Variants in FKBP6 observed in about 807,000 individuals in gnomAD.
FKBP6 encodes the protein inactive peptidyl-prolyl cis-trans isomerase FKBP6.
A neutral mutation model predicts 41.7 loss-of-function variants in FKBP6; 29 were observed. The observed-to-expected ratio is 0.70, with a 90% CI of 0.52 to 0.95. The LOEUF (loss-of-function observed/expected upper bound fraction) is 0.95. Among genes scored for constraint, FKBP6 ranks in the 40% least tolerant of loss-of-function variants. FKBP6 has a pLI of 0.00. For synonymous variants in FKBP6, 130 were observed against 165.1 expected (o/e 0.79, Z 1.63); for missense variants, 338 against 408.7 (o/e 0.83, Z 1.49).
At chr7:73,355,563 AC>A (rs1254065579) in intron 8 of FKBP6, among the ~76,000 whole-genome samples, 13 of 152,018 alleles carry the variant, frequency 8.6e-5, no homozygotes, top group African/African-American at 3.1e-4. Context: ...TTCATGGGAC[AC>A]ACCCTAGATC....
chr7:73,335,020 T>C (rs1407563721), intron 5 of FKBP6, among the ~76,000 whole-genome samples: 2 of 152,088 alleles, frequency 1.3e-5, no homozygotes, highest in East Asian at 1.9e-4. Context: ...AGGAAGGTCC[T>C]TGTCATATGA....
At chr7:73,328,783 G>A in intron 2 of FKBP6, 91 bp downstream of exon 2, 2 of 1,603,990 alleles carry the variant, frequency 1.2e-6, no homozygotes, top group South Asian at 2.2e-5. Flanking sequence ...ACTTAATGGG[G>A]TTGGAAATGC....
intron 7 of FKBP6, 143 bp downstream of exon 7, chr7:73,341,525 A>C (rs1805188967): frequency 4.3e-6 from 3 of 700,656 alleles, no homozygotes; most frequent in Admixed American, 4.0e-5. Context: ...GGGTTTCTGA[A>C]GTGCTCGGCC....
chr7:73,340,596 A>T, intron 5 of FKBP6, 42 bp from the exon 6 acceptor site: 1 of 1,544,146 alleles, frequency 6.5e-7, no homozygotes. Context: ...TTTGTACATA[A>T]GACTGTTACT....
At chr7:73,339,016 C>CT (rs1261153833) in intron 5 of FKBP6, 3 of 152,280 alleles carry the variant, frequency 2.0e-5, no homozygotes, top group African/African-American at 7.2e-5. Flanking sequence ...GGTGTTATAT[C>CT]TAAGAAACCA....
chr7:73,351,596 G>A (rs978102716), intron 8 of FKBP6, among the ~76,000 whole-genome samples: 5 of 152,056 alleles, frequency 3.3e-5, no homozygotes, highest in African/African-American at 9.7e-5. Flanking sequence ...CCTCAACTTC[G>A]GTGGCTGCCT....
At chr7:73,343,405 A>AACAT (rs1554549899) in intron 8 of FKBP6, among the ~76,000 whole-genome samples, 3 of 152,042 alleles carry the variant, frequency 2.0e-5, no homozygotes, top group African/African-American at 7.3e-5. Context: ...GACTGAGTAG[A>AACAT]GTCATGAATG....
chr7:73,354,658 A>C (rs539162944), intron 8 of FKBP6, among the ~76,000 whole-genome samples: 3 of 152,296 alleles, frequency 2.0e-5, no homozygotes, highest in African/African-American at 4.8e-5. Context: ...GAACCAGTTG[A>C]ATGGTTTCAG....
At position 73,341,270 on chromosome 7, in the gene FKBP6, C is replaced by T. The variant is rs1462761122; in HGVS notation, c.784-3C>T. ...TGCTTTTAAAGTTCTCTCCTTGGGA[C>T]AGGCTTGTCTTCTCCTGACTGAGTA... On this transcript the variant is annotated splice_polypyrimidine_tract_variant and splice_region_variant and intron_variant, in intron 6 of 8. Coordinates refer to ENST00000252037, the MANE Select transcript of FKBP6 (RefSeq NM_003602.5). 7 of 1,595,500 alleles carry T rather than the reference C, an allele frequency of 4.4e-6. No individual in the cohort carries two copies. Among genetic ancestry groups the T allele is most frequent in the Non-Finnish European group, 4.3e-6 (5 of 1,163,122 alleles).
In FKBP6 at chr7:73,328,207, C is replaced by G; in HGVS notation, c.-222C>G. ...TTACGGATCATACCTCGCACCTCACCGCGTGGCCTCTGTAGTTCCAGAGCT... is the reference window on the plus strand; with the variant it reads ...TTACGGATCATACCTCGCACCTCACGGCGTGGCCTCTGTAGTTCCAGAGCT... On this transcript the variant is annotated 5_prime_UTR_variant, in exon 1 of 9. Transcript: ENST00000252037. 6.5e-7 allele frequency: 1 copy of G among 1,548,874 alleles called. No individual in the cohort carries two copies.
At chr7:73,348,516 C>T (rs575582995) in intron 8 of FKBP6, among the ~76,000 whole-genome samples, 1 of 152,324 alleles carries the variant, frequency 6.6e-6, no homozygotes, top group Non-Finnish European at 1.5e-5. Context: ...TGACACCAGA[C>T]ATGTAGGGAT....
At chr7:73,328,516 C>A (rs1804710736) in intron 1 of FKBP6, 31 bp downstream of exon 1, 4 of 1,556,218 alleles carry the variant, frequency 2.6e-6, no homozygotes, top group South Asian at 1.1e-5. Context: ...GGGGCGTAGA[C>A]GCTGAGGGGT....
chr7:73,352,944 A>G (rs1554551335), intron 8 of FKBP6, among the ~76,000 whole-genome samples: 1 of 152,190 alleles, frequency 6.6e-6, no homozygotes, highest in African/African-American at 2.4e-5. Flanking sequence ...TATCATGGCC[A>G]TGAATGCGAG....
chr7:73,328,490 G>A lies in FKBP6; in HGVS notation c.57+5G>A. ...GGGGACGACGCCCCCGGCCAGGTGA[G>A]GGCCCAGACGTTTCGGGGGCGTAGA... On this transcript the variant is annotated splice_donor_5th_base_variant and intron_variant, in intron 1 of 8. Coordinates refer to ENST00000252037, the MANE Select transcript of FKBP6 (RefSeq NM_003602.5). 6.4e-7 allele frequency: 1 copy of A among 1,556,778 alleles called. No homozygotes were observed. The highest frequency in any genetic ancestry group is 8.7e-7 in the Non-Finnish European group (1 of 1,149,270).
chr7:73,328,976 T>A (rs1286192750), intron 2 of FKBP6, among the ~76,000 whole-genome samples: 1 of 151,996 alleles, frequency 6.6e-6, no homozygotes, highest in East Asian at 1.9e-4. Flanking sequence ...CGGCTAATTT[T>A]TAATATTTTT....
At chr7:73,330,407 T>A in intron 4 of FKBP6, 55 bp downstream of exon 4, 1 of 1,355,388 alleles carries the variant, frequency 7.4e-7, no homozygotes, top group Non-Finnish European at 1.1e-6. Flanking sequence ...TGGGTTGGTG[T>A]TATTGGTAAT....
At chr7:73,357,080 C>T (rs893696774) in intron 8 of FKBP6, among the ~76,000 whole-genome samples, 1 of 152,154 alleles carries the variant, frequency 6.6e-6, no homozygotes, top group Non-Finnish European at 1.5e-5. Flanking sequence ...CTGTGCCTGG[C>T]CCTCCTCTCA....
chr7:73,342,693 T>TTA (rs1415728918), intron 7 of FKBP6, 114 bp from the exon 8 acceptor site: 1 of 808,100 alleles, frequency 1.2e-6, no homozygotes, highest in Non-Finnish European at 2.2e-6. Context: ...CCAACTCAGT[T>TTA]TGAGTCCTGA....
At chr7:73,330,776 T>A (rs1049751660) in intron 4 of FKBP6, among the ~76,000 whole-genome samples, 1 of 152,194 alleles carries the variant, frequency 6.6e-6, no homozygotes, top group African/African-American at 2.4e-5. Context: ...GGGTTACCCA[T>A]GACATCGGGT....
Sources: allele counts gnomAD v4.1 joint callset (sites outside exome capture counted in the v4.1 genomes callset), GRCh38; gene constraint gnomAD v4.1.1; transcripts MANE v1.5; gene names NCBI Gene and HGNC (gene_info 2026-07-23, HGNC 2026-07-21).